The following TNS3 variants were observed in gnomAD, a reference collection of about 807,000 sequenced individuals.
TNS3 encodes tensin-3.
Under a neutral mutation model 140.9 loss-of-function variants are expected in TNS3, and 45 were observed. That is an observed-to-expected ratio of 0.32 (90% CI 0.25 to 0.41). TNS3 has a LOEUF of 0.41. Among genes scored for constraint, TNS3 ranks in the 10% least tolerant of loss-of-function variants. The pLI is 1.00. For synonymous variants in TNS3, 815 were observed against 788.4 expected (o/e 1.03, Z -0.56); for missense variants, 1,716 against 1,906.7 (o/e 0.90, Z 1.86).
At position 47,302,095 on chromosome 7, in the gene TNS3, G is replaced by C; in HGVS notation, c.3544+91C>G. 4.7e-6 allele frequency: 5 copies of C among 1,064,436 alleles called. No individual in the cohort carries two copies. In the South Asian group the frequency reaches 6.5e-5, roughly 14 times the overall value. The allele number at this position is 1,064,436 out of a possible 1,614,324, so 65.9% of individuals were successfully genotyped here. A position where few individuals can be genotyped will look rare whatever the true frequency, so the allele number is the denominator to read the frequency against. ...ATCCATATGAAGGCCACGGCTGCCC[G>C]ATGTTCCCACCGCAGGGCCCATCTT... On this transcript the variant is annotated intron_variant, in intron 23 of 30. Coordinates refer to ENST00000311160, the MANE Select transcript of TNS3 (RefSeq NM_022748.12).
rs1458934149 is a variant in TNS3 at position 47,407,560 on chromosome 7, T to C, written c.723+4167A>G. Among the ~76,000 whole-genome samples, 1 of 152,182 alleles carries C rather than the reference T, an allele frequency of 6.6e-6. No individual in the cohort carries two copies. The highest frequency in any genetic ancestry group is 1.9e-4 in the East Asian group (1 of 5,192). On this transcript the variant is annotated intron_variant, in intron 13 of 30. Coordinates refer to ENST00000311160, the MANE Select transcript of TNS3 (RefSeq NM_022748.12). This position sits in a 1 kb window ranked among gnomAD's most constrained non-coding sequence, Gnocchi z 4.1. ...GCGCTAGTAATCTTACTAAACTTTCTAGGAGAGGTTTATTTAATAAACAGA... is the reference window on the plus strand; with the variant it reads ...GCGCTAGTAATCTTACTAAACTTTCCAGGAGAGGTTTATTTAATAAACAGA...
At chr7:47,391,755 T>C (rs1250383334) in intron 16 of TNS3, among the ~76,000 whole-genome samples, 3 of 152,112 alleles carry the variant, frequency 2.0e-5, no homozygotes, top group African/African-American at 7.2e-5. Flanking sequence ...TCACAGCAAG[T>C]CTGATCCTGA....
chr7:47,478,832 A>G (rs1319398078), intron 4 of TNS3, among the ~76,000 whole-genome samples: 2 of 152,094 alleles, frequency 1.3e-5, no homozygotes, highest in Non-Finnish European at 2.9e-5. Flanking sequence ...GTGTTCATGT[A>G]CCAATAAAAT....
rs1562674949 is a variant in TNS3, at chr7:47,389,063, GA to G, written c.1024+7736del. On this transcript the variant is annotated intron_variant, in intron 16 of 30. Transcript: ENST00000311160. Reference sequence around the variant, plus strand: ...AGAAGAAGAAGAAGAAGAAGAAGAAGAAGAAGAAGAAGAAGAAGAAGAGGAA... The same window carrying G: ...AGAAGAAGAAGAAGAAGAAGAAGAAGAGAAGAAGAAGAAGAAGAAGAGGAA... 8.0e-4 allele frequency among the ~76,000 whole-genome samples: 59 copies of G among 73,360 alleles called. 7 individuals are homozygous for G. Among genetic ancestry groups the G allele is most frequent in the Middle Eastern group, 0.011 (2 of 190 alleles). 48.1% of individuals were successfully genotyped at this position (73,360 alleles called of 152,430 possible). A position where few individuals can be genotyped will look rare whatever the true frequency, so the allele number is the denominator to read the frequency against.
chr7:47,351,984 G>A (rs949306798), intron 17 of TNS3, among the ~76,000 whole-genome samples: 2 of 152,042 alleles, frequency 1.3e-5, no homozygotes, highest in African/African-American at 2.4e-5. Flanking sequence ...GCAGACACAT[G>A]TATGAACACT....
intron 23 of TNS3, among the ~76,000 whole-genome samples, chr7:47,299,627 T>C (rs1786265754): frequency 6.6e-6 from 1 of 152,194 alleles, no homozygotes; most frequent in African/African-American, 2.4e-5. Context: ...CGGGCTTTGC[T>C]CCGACCAGTT....
chr7:47,471,823 G>A (rs1562781440), intron 4 of TNS3, among the ~76,000 whole-genome samples: 1 of 152,178 alleles, frequency 6.6e-6, no homozygotes, highest in Non-Finnish European at 1.5e-5. Context: ...GAGCCAAAAA[G>A]GATTTCCAGA....
chr7:47,437,120 T>A (rs1795223372), intron 7 of TNS3, 143 bp downstream of exon 7: 2 of 510,948 alleles, frequency 3.9e-6, no homozygotes. Context: ...GAAAAAAAAG[T>A]AATTAAAATA....
rs1292432981 is a variant in TNS3, at chr7:47,368,457, G to C, written c.2189C>G (p.Ser730Cys). Residue 730 changes from serine to cysteine, a missense_variant, in exon 17 of 31, where the codon TCT becomes TGT. Physicochemically the swap from Ser to Cys is moderately radical, Grantham distance 112. Around this residue, in one of 3 missense-constraint regions of TNS3, gnomAD observed 1,163 missense variants for 1,182.1 expected, o/e 0.98. Coordinates refer to ENST00000311160, the MANE Select transcript of TNS3 (RefSeq NM_022748.12). ...MNALGSQANGSVSPDSVGGGL... is the reference protein window; with the variant it reads ...MNALGSQANGCVSPDSVGGGL... ...ACCTCCCACGCTGTCTGGAGACACA[G>C]AGCCATTGGCCTGGCTACCGAGGGC... 6 of 1,581,666 alleles carry C rather than the reference G, an allele frequency of 3.8e-6. No homozygotes were observed. Among genetic ancestry groups the C allele is most frequent in the Non-Finnish European group, 4.3e-6 (5 of 1,158,108 alleles).
intron 20 of TNS3, among the ~76,000 whole-genome samples, chr7:47,340,725 C>T (rs1788963281): frequency 6.6e-6 from 1 of 151,880 alleles, no homozygotes; most frequent in Admixed American, 6.6e-5. Context: ...CTCAAGATTC[C>T]CTGGGGCTTT....
At chr7:47,572,533 CTA>C (rs983174554) in intron 1 of TNS3, among the ~76,000 whole-genome samples, 1 of 135,886 alleles carries the variant, frequency 7.4e-6, no homozygotes, top group African/African-American at 2.8e-5. Context: ...TCTCGATGAC[CTA>C]TGTTTTGGAT....
chr7:47,370,568 G>A (rs568343806), intron 16 of TNS3, among the ~76,000 whole-genome samples: 1 of 152,200 alleles, frequency 6.6e-6, no homozygotes, highest in African/African-American at 2.4e-5. Context: ...TCTGGCATTC[G>A]GGGACTCCCA....
rs773149900 is a variant in TNS3 at position 47,292,837 on chromosome 7, G to A, written c.3841C>T (p.Pro1281Ser). 3.7e-6 allele frequency: 6 copies of A among 1,614,076 alleles called. No homozygotes were observed. The highest frequency in any genetic ancestry group is 4.2e-6 in the Non-Finnish European group (5 of 1,179,996). The change falls in exon 26 of 31, where the codon CCA (proline) becomes TCA (serine). Residue 1281 changes from proline to serine, a missense_variant. This residue lies in a region of TNS3 where 216 missense variants were observed against 295.7 expected (regional missense o/e 0.73). Transcript: ENST00000311160. Reference protein sequence around the residue: ...PLALPCKLLIPERDPLEEIAE... With the variant: ...PLALPCKLLISERDPLEEIAE... ...ACTGAGGACCCCTTACCTCTCTCTG[G>A]GATAAGCAGCTTGCACGGCAAGGCC...
intron 28 of TNS3, among the ~76,000 whole-genome samples, chr7:47,283,349 T>C (rs1021233285): frequency 4.6e-5 from 7 of 152,246 alleles, no homozygotes; most frequent in African/African-American, 9.6e-5. Flanking sequence ...TCCAAGATCA[T>C]TGGACTCTGA....
At chr7:47,415,392 C>T (rs1016956724) in intron 10 of TNS3, among the ~76,000 whole-genome samples, 186 bp from the exon 11 acceptor site, 1 of 152,182 alleles carries the variant, frequency 6.6e-6, no homozygotes, top group Non-Finnish European at 1.5e-5. Context: ...CACCAGCGCA[C>T]CAGGCACCAA....
chr7:47,506,813 T>C, intron 3 of TNS3, 94 bp downstream of exon 3: 1 of 974,394 alleles, frequency 1.0e-6, no homozygotes. Context: ...TTTCTTTCCG[T>C]GGCTGCAGTC....
chr7:47,352,206 GCT>G (rs1789720771), intron 17 of TNS3, among the ~76,000 whole-genome samples: 1 of 152,000 alleles, frequency 6.6e-6, no homozygotes, highest in African/African-American at 2.4e-5. Context: ...ACACACTCAT[GCT>G]CTCACACTTT....
chr7:47,380,376 TG>T (rs1791680453), intron 16 of TNS3, among the ~76,000 whole-genome samples: 1 of 152,220 alleles, frequency 6.6e-6, no homozygotes. Context: ...GAGGTCCTGT[TG>T]GCCTTATCTG....
At chr7:47,437,195 A>C in intron 7 of TNS3, 68 bp downstream of exon 7, 1 of 1,121,358 alleles carries the variant, frequency 8.9e-7, no homozygotes, top group Non-Finnish European at 1.3e-6. Context: ...GTAGCAAATT[A>C]TTTTTGCACA....
Sources: allele counts gnomAD v4.1 joint callset (sites outside exome capture counted in the v4.1 genomes callset), GRCh38; gene constraint gnomAD v4.1.1; regional missense constraint gnomAD v4.1.1; non-coding constraint Gnocchi (gnomAD v3.1); transcripts MANE v1.5; gene names NCBI Gene and HGNC (gene_info 2026-07-23, HGNC 2026-07-21).